Variants in RAE1 observed in about 807,000 individuals in gnomAD.
RAE1 encodes ribonucleic acid export 1.
A neutral mutation model predicts 52.7 loss-of-function variants in RAE1; 13 were observed. That is an observed-to-expected ratio of 0.25 (90% CI 0.16 to 0.39). The LOEUF (loss-of-function observed/expected upper bound fraction) is 0.39. RAE1 is among the 10% of genes least tolerant of loss of function. RAE1 has a pLI of 1.00. For missense variants in RAE1, 262 were observed against 459.8 expected (o/e 0.57, Z 3.93); for synonymous variants, 164 against 153.1 (o/e 1.07, Z -0.52).
At position 57,355,387 on chromosome 20, in the gene RAE1, T is replaced by C. The variant is rs1451737075; in HGVS notation, c.195+571T>C. Among the ~76,000 whole-genome samples the C allele has an allele frequency of 2.6e-5, 4 of 152,338 alleles. No individual in the cohort carries two copies. The East Asian group carries it at 7.7e-4, about 29-fold the overall frequency. ...GATAAATGCAAATTTAAGACTTTTT[T>C]TTATTAAATTAACAAAATTAAAAGT... On this transcript the variant is annotated intron_variant, in intron 3 of 11. Transcript: ENST00000395841.
At chr20:57,355,837 A>G (rs2066777276) in intron 3 of RAE1, among the ~76,000 whole-genome samples, 1 of 152,182 alleles carries the variant, frequency 6.6e-6, no homozygotes, top group Non-Finnish European at 1.5e-5. Context: ...TAATTTTTAG[A>G]AAGATTTCAG....
intron 2 of RAE1, 121 bp from the exon 3 acceptor site, chr20:57,354,591 C>G: frequency 1.6e-6 from 1 of 623,594 alleles, no homozygotes; most frequent in Non-Finnish European, 2.7e-6. Flanking sequence ...AAGGAAAGGT[C>G]TAATTCAGTT....
rs1568782988 is a variant in RAE1 at position 57,360,221 on chromosome 20, C to T, written c.288+3683C>T. On this transcript the variant is annotated intron_variant, in intron 4 of 11. Coordinates refer to ENST00000395841, the MANE Select transcript of RAE1 (RefSeq NM_003610.4). ...TGGCCTTATTCAACCAAGCACTCTG[C>T]TCTTGGTTTACTGCTAAATCCTCCT... is the stretch of plus-strand genomic sequence containing the variant. 1.3e-5 allele frequency among the ~76,000 whole-genome samples: 2 copies of T among 152,168 alleles called. 1 individual carries two copies. The highest frequency in any genetic ancestry group is 4.1e-4 in the South Asian group (2 of 4,832).
chr20:57,377,190 GAATA>G (rs1486366008), intron 11 of RAE1, among the ~76,000 whole-genome samples: 1 of 152,190 alleles, frequency 6.6e-6, no homozygotes, highest in Non-Finnish European at 1.5e-5. Context: ...GTTGGGAAGA[GAATA>G]AAAATGTGTC....
chr20:57,365,674 T>C (rs183887553), intron 5 of RAE1, among the ~76,000 whole-genome samples: 31 of 152,320 alleles, frequency 2.0e-4, no homozygotes, highest in African/African-American at 7.2e-4. Flanking sequence ...CATATATGTA[T>C]GGATGGAGTC....
At chr20:57,365,728 G>A (rs1197845506) in intron 5 of RAE1, among the ~76,000 whole-genome samples, 1 of 152,324 alleles carries the variant, frequency 6.6e-6, no homozygotes, top group Middle Eastern at 3.4e-3. Flanking sequence ...ACAGGTCATA[G>A]GTGGTCCTTG....
At position 57,373,490 on chromosome 20, in the gene RAE1, A is replaced by G. The variant is rs2067066522; in HGVS notation, c.658A>G (p.Ile220Val). 1.2e-6 allele frequency: 2 copies of G among 1,613,812 alleles called. No individual in the cohort carries two copies. Among genetic ancestry groups the G allele is most frequent in the East Asian group, 2.2e-5 (1 of 44,874 alleles). ...TTAACTGTAGCATCGGTGTGTGGCT[A>G]TTTTTAAAGACAAACAGAACAAGCC... Reference protein sequence around the residue: ...PLKHQHRCVAIFKDKQNKPTG... With the variant: ...PLKHQHRCVAVFKDKQNKPTG... The change falls in exon 9 of 12, where the codon ATT (isoleucine) becomes GTT (valine). Residue 220 changes from isoleucine (I) to valine (V), a missense_variant. Coordinates refer to ENST00000395841, the MANE Select transcript of RAE1 (RefSeq NM_003610.4).
At chr20:57,362,697 G>A (rs1218793927) in intron 4 of RAE1, among the ~76,000 whole-genome samples, 2 of 152,204 alleles carry the variant, frequency 1.3e-5, no homozygotes, top group African/African-American at 4.8e-5. Flanking sequence ...ATGAACTGGT[G>A]CTGGGTGGGA....
chr20:57,355,251 TAC>T (rs1568777863), intron 3 of RAE1, among the ~76,000 whole-genome samples: 2 of 151,848 alleles, frequency 1.3e-5, no homozygotes, highest in East Asian at 1.9e-4. Context: ...ACAAAAAAAT[TAC>T]AGTTTACTAA....
chr20:57,367,178 A>C (rs1263395127), intron 7 of RAE1, 99 bp downstream of exon 7: 1 of 1,043,872 alleles, frequency 9.6e-7, no homozygotes, highest in African/African-American at 1.6e-5. Flanking sequence ...GATAATATAA[A>C]AATCCTGCTA....
chr20:57,362,494 C>G (rs577690736), intron 4 of RAE1, among the ~76,000 whole-genome samples: 96 of 152,294 alleles, frequency 6.3e-4, no homozygotes, highest in Non-Finnish European at 1.3e-3. Context: ...CTTTACTGAT[C>G]GGGCAACGGG....
In RAE1 at chr20:57,351,258, T is replaced by C. The variant is rs1415394932; in HGVS notation, c.-172T>C. The C allele has an allele frequency of 7.1e-6, 7 of 985,330 alleles. No homozygotes were observed. The South Asian group carries it at 2.8e-4, about 40-fold the overall frequency. 61.0% of individuals were successfully genotyped at this position (985,330 alleles called of 1,614,324 possible). On this transcript the variant is annotated 5_prime_UTR_variant, in exon 1 of 12. Coordinates refer to ENST00000395841, the MANE Select transcript of RAE1 (RefSeq NM_003610.4). ...GGCTCCAGGGCGCACGCGCGTTGTT[T>C]CCGCGGTAGTCAGGGCAGTTTCTAC...
At chr20:57,362,533 C>T (rs971888947) in intron 4 of RAE1, among the ~76,000 whole-genome samples, 2 of 152,094 alleles carry the variant, frequency 1.3e-5, no homozygotes, top group South Asian at 2.1e-4. Context: ...TTATAAAGTA[C>T]GGCAAGAAAT....
At chr20:57,362,421 G>A (rs186971447) in intron 4 of RAE1, among the ~76,000 whole-genome samples, 111 of 152,260 alleles carry the variant, frequency 7.3e-4, no homozygotes, top group Middle Eastern at 3.4e-3. Flanking sequence ...CTTATTTTTA[G>A]TTTACACACA....
At chr20:57,369,211 C>G (rs1047582445) in intron 8 of RAE1, among the ~76,000 whole-genome samples, 1 of 152,220 alleles carries the variant, frequency 6.6e-6, no homozygotes, top group African/African-American at 2.4e-5. Flanking sequence ...TGCTTTCATA[C>G]CATCTTGAGG....
intron 4 of RAE1, among the ~76,000 whole-genome samples, chr20:57,364,469 G>A (rs118070528): frequency 5.3e-5 from 8 of 152,284 alleles, no homozygotes; most frequent in Non-Finnish European, 1.0e-4. Flanking sequence ...AGCATGAGGA[G>A]CAAGTTTTAT....
intron 5 of RAE1, 142 bp from the exon 6 acceptor site, chr20:57,366,664 TA>T: frequency 1.3e-6 from 1 of 764,522 alleles, no homozygotes. Context: ...GAAGGATTGG[TA>T]AAATGCTAAG....
intron 11 of RAE1, 103 bp from the exon 12 acceptor site, chr20:57,377,910 A>T (rs768066410): frequency 2.7e-6 from 2 of 747,500 alleles, no homozygotes; most frequent in East Asian, 5.4e-5. Context: ...GAGAGATTAT[A>T]TGTTTCCAGT....
intron 8 of RAE1, chr20:57,371,530 G>A (rs1324730982): frequency 1.3e-5 from 2 of 152,150 alleles, no homozygotes; most frequent in African/African-American, 4.8e-5. Flanking sequence ...CTAGCTGATG[G>A]GACCACTGTT....
Sources: gnomAD v4.1 joint callset for allele counts (sites outside exome capture counted in the v4.1 genomes callset) on GRCh38, gnomAD v4.1.1 for gene constraint, MANE v1.5 for transcripts, NCBI Gene and HGNC (gene_info 2026-07-23, HGNC 2026-07-21) for gene names.